RBFOX1: variants seen among roughly 807,000 people sequenced by gnomAD.
RBFOX1 encodes the protein RNA binding fox-1 homolog 1, also known as RNA binding protein fox-1 homolog 1.
RBFOX1 carries 8 observed loss-of-function variants against 57.7 expected under a neutral mutation model. The observed-to-expected ratio is 0.14, with a 90% CI of 0.08 to 0.25. The LOEUF is 0.25. Among genes scored for constraint, RBFOX1 ranks in the 10% least tolerant of loss-of-function variants. The pLI is 1.00. For synonymous variants in RBFOX1, 326 were observed against 222.4 expected, an observed-to-expected ratio of 1.47 and a Z score of -4.15; for missense variants, 611 against 548.5, an observed-to-expected ratio of 1.11 and a Z score of -1.14.
intron 4 of RBFOX1, among the ~76,000 whole-genome samples, chr16:7,376,329 G>C (rs576603130): frequency 3.9e-5 from 6 of 152,266 alleles, no homozygotes; most frequent in South Asian, 4.1e-4. Context: ...TGTATTCCAT[G>C]TGAAATCATT....
chr16:5,980,415 A>T (rs1401121984), intron 4 of RBFOX1, among the ~76,000 whole-genome samples: 3 of 151,992 alleles, frequency 2.0e-5, no homozygotes, highest in African/African-American at 7.2e-5. Context: ...TGGGATGGGG[A>T]GCTTCAGGGT....
intron 1 of RBFOX1, among the ~76,000 whole-genome samples, chr16:5,247,750 C>T (rs1035622691): frequency 2.0e-5 from 3 of 151,798 alleles, no homozygotes; most frequent in Non-Finnish European, 2.9e-5. Context: ...TCGAGAGAAA[C>T]AAAAAAAATG....
intron 2 of RBFOX1, among the ~76,000 whole-genome samples, chr16:5,499,155 G>A (rs1299477842): frequency 6.6e-6 from 1 of 152,190 alleles, no homozygotes; most frequent in African/African-American, 2.4e-5. Context: ...TAGGTCATAA[G>A]CTCTGAGGGT....
intron 1 of RBFOX1, among the ~76,000 whole-genome samples, chr16:6,082,920 G>A (rs1220767590): frequency 1.3e-5 from 2 of 152,136 alleles, no homozygotes; most frequent in Admixed American, 6.5e-5. Flanking sequence ...CTGCTCTACA[G>A]ACTCACCCAA....
chr16:6,207,593 T>C (rs11642849), intron 1 of RBFOX1, among the ~76,000 whole-genome samples: 1 of 152,032 alleles, frequency 6.6e-6, no homozygotes, highest in African/African-American at 2.4e-5. Context: ...AAGAAACAGA[T>C]TGCCATATAT....
intron 3 of RBFOX1, among the ~76,000 whole-genome samples, chr16:6,714,186 C>G (rs1005944580): frequency 6.6e-6 from 1 of 152,204 alleles, no homozygotes; most frequent in Non-Finnish European, 1.5e-5. Context: ...CCATGCCTGC[C>G]TCAACTTCTG....
chr16:6,671,147 C>A (rs1043912117), intron 3 of RBFOX1, among the ~76,000 whole-genome samples: 1 of 152,090 alleles, frequency 6.6e-6, no homozygotes, highest in Non-Finnish European at 1.5e-5. Context: ...TTATTCCAGT[C>A]GAATGGAAAC....
At chr16:6,436,284 C>T (rs943560779) in intron 2 of RBFOX1, among the ~76,000 whole-genome samples, 1 of 152,074 alleles carries the variant, frequency 6.6e-6, no homozygotes, top group Admixed American at 6.6e-5. Context: ...CTTGAATTAC[C>T]AGTGAAATTA....
chr16:5,967,050 T>C (rs1263610594), intron 4 of RBFOX1, among the ~76,000 whole-genome samples: 2 of 149,148 alleles, frequency 1.3e-5, no homozygotes, highest in Non-Finnish European at 3.0e-5. Context: ...TAAATTAAGT[T>C]TGATGGGAAA....
chr16:6,692,690 C>T (rs961722522), intron 3 of RBFOX1, among the ~76,000 whole-genome samples: 1 of 151,840 alleles, frequency 6.6e-6, no homozygotes, highest in Non-Finnish European at 1.5e-5. Flanking sequence ...TAACCAACAC[C>T]TAGTTGAAAT....
intron 2 of RBFOX1, among the ~76,000 whole-genome samples, chr16:6,557,623 T>C (rs561088429): frequency 6.6e-6 from 1 of 152,228 alleles, no homozygotes; most frequent in African/African-American, 2.4e-5. Flanking sequence ...TAAGTATCGC[T>C]GATTAATTCC....
chr16:5,938,094 C>T (rs949270907), intron 4 of RBFOX1, among the ~76,000 whole-genome samples: 1 of 152,162 alleles, frequency 6.6e-6, no homozygotes, highest in African/African-American at 2.4e-5. Context: ...TGAAACACCT[C>T]TGTACCCTTT....
intron 4 of RBFOX1, among the ~76,000 whole-genome samples, chr16:7,084,542 A>G (rs117137409): frequency 0.011 from 1,634 of 152,256 alleles, 15 homozygotes; most frequent in Non-Finnish European, 0.016. Context: ...AATGCCCCAA[A>G]AGAAAGGGGA....
rs1163061832 is a variant in RBFOX1, at chr16:7,227,298, A to ACCCC, written c.27+175201_27+175202insCCCC. Among the ~76,000 whole-genome samples the ACCCC allele has an allele frequency of 5.6e-5, 4 of 71,144 alleles. No individual in the cohort carries two copies. In the South Asian group the frequency reaches 1.9e-3, roughly 33 times the overall value. The allele number at this position is 71,144 out of a possible 152,430, so 46.7% of individuals were successfully genotyped here. On this transcript the variant is annotated intron_variant, in intron 4 of 15. Transcript: ENST00000550418. ...CACACACACCCCACCCCACCCCCACACACACACACAGCAAGGGAGGAATTT... is the reference window on the plus strand; with the variant it reads ...CACACACACCCCACCCCACCCCCACACCCCCACACACACAGCAAGGGAGGAATTT...
At chr16:7,419,561 C>T (rs1345673044) in intron 4 of RBFOX1, among the ~76,000 whole-genome samples, 1 of 152,232 alleles carries the variant, frequency 6.6e-6, no homozygotes, top group East Asian at 1.9e-4. Flanking sequence ...AATGTTGCGG[C>T]ATATGCAAGC....
At chr16:5,587,661 C>T (rs886208374) in intron 2 of RBFOX1, among the ~76,000 whole-genome samples, 1 of 152,142 alleles carries the variant, frequency 6.6e-6, no homozygotes, top group Non-Finnish European at 1.5e-5. Context: ...TGCAGTGAGC[C>T]AAGATCGCGG....
chr16:7,709,016 G>A (rs773631336), intron 14 of RBFOX1, 40 bp from the exon 15 acceptor site: 6 of 1,543,650 alleles, frequency 3.9e-6, no homozygotes, highest in South Asian at 2.2e-5. Context: ...TTTTGTAATT[G>A]CATACTGTGG....
intron 3 of RBFOX1, among the ~76,000 whole-genome samples, chr16:6,976,913 A>C (rs1287759643): frequency 7.0e-6 from 1 of 143,820 alleles, no homozygotes; most frequent in African/African-American, 2.6e-5. Flanking sequence ...CATATATATC[A>C]CATATATTGT....
rs77188247 is a variant in RBFOX1 at position 6,062,655 on chromosome 16, G to C, written c.-127+42663G>C. ...CATATACATATATACATATCTATAT[G>C]TATCTATACATAGATATATATCTAT... On this transcript the variant is annotated intron_variant, in intron 1 of 15. Coordinates refer to ENST00000550418, the MANE Select transcript of RBFOX1 (RefSeq NM_018723.4). 7.8e-5 allele frequency among the ~76,000 whole-genome samples: 4 copies of C among 51,228 alleles called. No homozygotes were observed. The East Asian group carries it at 1.3e-3, about 17-fold the overall frequency. The allele number at this position is 51,228 out of a possible 152,430, so 33.6% of individuals were successfully genotyped here. A position where few individuals can be genotyped will look rare whatever the true frequency, so the allele number is the denominator to read the frequency against.
Sources: gnomAD v4.1 joint callset for allele counts (sites outside exome capture counted in the v4.1 genomes callset) on GRCh38, gnomAD v4.1.1 for gene constraint, MANE v1.5 for transcripts, NCBI Gene and HGNC (gene_info 2026-07-23, HGNC 2026-07-21) for gene names.